EIF4ENIF1: variants seen among roughly 807,000 people sequenced by gnomAD.
The protein encoded by EIF4ENIF1 is eukaryotic translation initiation factor 4E transporter.
In EIF4ENIF1, 23 loss-of-function variants were observed where a neutral mutation model predicts 110.5. The ratio of observed to expected loss-of-function variants is 0.21; its 90% CI spans 0.15 to 0.29. EIF4ENIF1 has a LOEUF of 0.29. Among genes scored for constraint, EIF4ENIF1 ranks in the 10% least tolerant of loss-of-function variants. The probability of loss-of-function intolerance (pLI) is 1.00; values close to 1 mark genes in which losing one functional copy is unlikely to be tolerated. For synonymous variants in EIF4ENIF1, 440 were observed against 437.0 expected (o/e 1.01, Z -0.09); for missense variants, 1,031 against 1,221.1 (o/e 0.84, Z 2.32).
At chr22:31,488,562 T>C in intron 2 of EIF4ENIF1, 61 bp downstream of exon 2, 3 of 1,604,240 alleles carry the variant, frequency 1.9e-6, no homozygotes, top group East Asian at 2.2e-5. Context: ...GAAATAGTTA[T>C]ACAATGTTAC....
chr22:31,466,295 C>T (rs775339954), intron 4 of EIF4ENIF1, among the ~76,000 whole-genome samples: 9 of 152,184 alleles, frequency 5.9e-5, no homozygotes, highest in Non-Finnish European at 7.3e-5. Context: ...CGCCTATAAT[C>T]CCAGCTACTT....
Position 31,441,831 on chromosome 22 carries a change from G to C in EIF4ENIF1, c.2494C>G (p.Gln832Glu). The change falls in exon 17 of 19, where the codon CAG becomes GAG. Residue 832 changes from glutamine to glutamate, a missense_variant. Gln to Glu is a conservative substitution (Grantham distance 29, BLOSUM62 2). Transcript: ENST00000330125. ...PAHQLHPGLV[Q>E]RMLAQGVHPQ... is the part of the protein sequence containing the mutation. ...TGTACTCCCTGGGCCAGCATCCTCT[G>C]TACCAACCCTGGGTGAAGCTGGTGA... 3 of 1,614,162 alleles carry C rather than the reference G, an allele frequency of 1.9e-6. No homozygotes were observed. The highest frequency in any genetic ancestry group is 2.5e-6 in the Non-Finnish European group (3 of 1,180,026).
intron 3 of EIF4ENIF1, 64 bp from the exon 4 acceptor site, chr22:31,468,366 C>A: frequency 6.3e-7 from 1 of 1,599,688 alleles, no homozygotes; most frequent in Non-Finnish European, 8.5e-7. Flanking sequence ...AGTGTGATTT[C>A]TAAACCTCCT....
intron 7 of EIF4ENIF1, among the ~76,000 whole-genome samples, chr22:31,457,745 T>G (rs2050873132): frequency 6.6e-6 from 1 of 152,224 alleles, no homozygotes; most frequent in Non-Finnish European, 1.5e-5. Context: ...GAATTTCTAT[T>G]TTCAGAGGAA....
Position 31,463,716 on chromosome 22 carries a change from C to T in EIF4ENIF1, c.550G>A (p.Asp184Asn), listed in dbSNP as rs576120560. 38 of 1,611,812 alleles carry T rather than the reference C, an allele frequency of 2.4e-5. No homozygotes were observed. The highest frequency in any genetic ancestry group is 1.7e-4 in the Admixed American group (10 of 59,876). The part of the protein sequence containing the change: ...DKDLRDLRDR[D>N]RERDFKDKRF... ...TTGTCCTTGAAGTCCCTCTCTCGGT[C>T]TCTGTCTCTCAAGTCCCGCAGGTCC... The change falls in exon 5 of 19, where the codon GAC (aspartate) becomes AAC (asparagine). Residue 184 changes from aspartate to asparagine, a missense_variant. Asp to Asn is a conservative substitution (Grantham distance 23). This residue lies in a region of EIF4ENIF1 where 704 missense variants were observed against 879.7 expected (regional missense o/e 0.80). Transcript: ENST00000330125.
chr22:31,447,454 C>T lies in EIF4ENIF1; in HGVS notation c.1960G>A (p.Asp654Asn), dbSNP rs371510188. The T allele has an allele frequency of 1.2e-6, 2 of 1,613,244 alleles. No homozygotes were observed. Among genetic ancestry groups the T allele is most frequent in the Non-Finnish European group, 1.7e-6 (2 of 1,179,858 alleles). Reference protein sequence around the residue: ...YQPGFGKPQVDRTRDGFRNRQ... With the variant: ...YQPGFGKPQVNRTRDGFRNRQ... ...TTTCTGAATCCATCTCTGGTTCTGTCCACCTGTGGTTTGCCAAAACCAGGC... is the reference window on the plus strand; with the variant it reads ...TTTCTGAATCCATCTCTGGTTCTGTTCACCTGTGGTTTGCCAAAACCAGGC... The change falls in exon 14 of 19, where the codon GAC (aspartate) becomes AAC (asparagine). Residue 654 changes from aspartate to asparagine, a missense_variant. Asp to Asn is a conservative substitution (Grantham distance 23). Coordinates refer to ENST00000330125, the MANE Select transcript of EIF4ENIF1 (RefSeq NM_019843.4).
chr22:31,442,481 CTG>C (rs2050332897), intron 16 of EIF4ENIF1, among the ~76,000 whole-genome samples: 1 of 152,186 alleles, frequency 6.6e-6, no homozygotes, highest in Non-Finnish European at 1.5e-5. Flanking sequence ...TCTCTCAGAT[CTG>C]TACTTTTAAC....
rs60986284 is a variant in EIF4ENIF1, at chr22:31,483,209, CTTTTTTTTTTTT to C, written c.96+5402_96+5413del. The stretch of plus-strand genomic sequence containing the variant: ...ATGAGCACCACTGCCAGGAGACGAT[CTTTTTTTTTTTT>C]TTTTTTTTTTGAGACAGGGTCTCTT... On this transcript the variant is annotated intron_variant, in intron 2 of 18. Coordinates refer to ENST00000330125, the MANE Select transcript of EIF4ENIF1 (RefSeq NM_019843.4). 4.5e-5 allele frequency among the ~76,000 whole-genome samples: 4 copies of C among 89,468 alleles called. No homozygotes were observed. In the East Asian group the frequency reaches 1.6e-3, roughly 35 times the overall value. 58.7% of individuals were successfully genotyped at this position (89,468 alleles called of 152,430 possible). A position where few individuals can be genotyped will look rare whatever the true frequency, so the allele number is the denominator to read the frequency against.
At chr22:31,471,970 C>A in intron 2 of EIF4ENIF1, 53 bp from the exon 3 acceptor site, 1 of 1,377,794 alleles carries the variant, frequency 7.3e-7, no homozygotes, top group East Asian at 2.3e-5. Flanking sequence ...AGGCCACACA[C>A]TTTAAACTTC....
At chr22:31,451,438 T>TG (rs1250607179) in intron 10 of EIF4ENIF1, among the ~76,000 whole-genome samples, 1 of 151,052 alleles carries the variant, frequency 6.6e-6, no homozygotes, top group Non-Finnish European at 1.5e-5. Context: ...CACGCCCAGC[T>TG]AATTTTTTTT....
intron 6 of EIF4ENIF1, among the ~76,000 whole-genome samples, chr22:31,459,031 G>A (rs9621264): frequency 0.039 from 5,929 of 150,120 alleles, 281 homozygotes; most frequent in African/African-American, 0.095. Flanking sequence ...GGGCTCAGGT[G>A]ATCCTCCTGC....
chr22:31,464,304 A>G lies in EIF4ENIF1; in HGVS notation c.299-337T>C, dbSNP rs1381218342. On this transcript the variant is annotated intron_variant, in intron 4 of 18. Transcript: ENST00000330125. ...AACTACAGCAGGCGTATTTGAAAAAATAACTGCTTAAAAAGTTAAAGTGTC... is the reference window on the plus strand; with the variant it reads ...AACTACAGCAGGCGTATTTGAAAAAGTAACTGCTTAAAAAGTTAAAGTGTC... 3 of 233,580 alleles carry G rather than the reference A, an allele frequency of 1.3e-5. No homozygotes were observed. In the East Asian group the frequency reaches 3.4e-4, roughly 26 times the overall value. 14.5% of individuals were successfully genotyped at this position (233,580 alleles called of 1,614,324 possible).
Position 31,447,518 on chromosome 22 carries a change from C to G in EIF4ENIF1, c.1896G>C (p.Leu632Phe). 6.2e-7 allele frequency: 1 copy of G among 1,612,722 alleles called. No individual in the cohort carries two copies. ...LQQAALEGLALPHDLAVQAAN... is the reference protein window; with the variant it reads ...LQQAALEGLAFPHDLAVQAAN... ...CTGCCTGTACAGCAAGGTCATGTGG[C>G]AAGGCCAGCCCTTCTAAAGCTGCCT... The change falls in exon 14 of 19, where the codon TTG (leucine) becomes TTC (phenylalanine). Residue 632 changes from leucine (L) to phenylalanine (F), a missense_variant. Physicochemically the swap from Leu to Phe is conservative, Grantham distance 22. Transcript: ENST00000330125.
chr22:31,490,757 A>G (rs1394591822), upstream of EIF4ENIF1, among the ~76,000 whole-genome samples: 1 of 152,164 alleles, frequency 6.6e-6, no homozygotes, highest in Non-Finnish European at 1.5e-5. Context: ...CTGGAATACC[A>G]CAAGCACCCA....
chr22:31,481,822 T>C (rs967593801), intron 2 of EIF4ENIF1, among the ~76,000 whole-genome samples: 5 of 152,166 alleles, frequency 3.3e-5, no homozygotes, highest in African/African-American at 9.7e-5. Flanking sequence ...TAAAGATCCC[T>C]GGAGACACTA....
At chr22:31,470,203 G>C (rs2051325175) in intron 3 of EIF4ENIF1, among the ~76,000 whole-genome samples, 1 of 270 alleles carries the variant, frequency 3.7e-3, no homozygotes, top group African/African-American at 0.014. Flanking sequence ...CTAACTAATT[G>C]GCTATAGCCA....
chr22:31,468,390 T>C, intron 3 of EIF4ENIF1, 88 bp from the exon 4 acceptor site: 7 of 1,562,932 alleles, frequency 4.5e-6, no homozygotes, highest in South Asian at 2.3e-5. Flanking sequence ...CTAATAGTTA[T>C]GGAAACCCAT....
chr22:31,457,022 T>C (rs9621263), intron 7 of EIF4ENIF1, among the ~76,000 whole-genome samples: 6,045 of 152,222 alleles, frequency 0.04, 282 homozygotes, highest in African/African-American at 0.095. Flanking sequence ...TCAAACTTAG[T>C]GGTTTCAAGG....
chr22:31,437,754 G>A (rs1032305036), downstream of EIF4ENIF1: 21 of 152,168 alleles, frequency 1.4e-4, no homozygotes, highest in African/African-American at 4.3e-4. Context: ...ACACAGGAAA[G>A]GTGGAACTGG....
Sources: allele counts gnomAD v4.1 joint callset (sites outside exome capture counted in the v4.1 genomes callset), GRCh38; gene constraint gnomAD v4.1.1; regional missense constraint gnomAD v4.1.1; transcripts MANE v1.5; gene names NCBI Gene and HGNC (gene_info 2026-07-23, HGNC 2026-07-21).